The following TRIO variants were observed in gnomAD, a reference collection of about 807,000 sequenced individuals.
TRIO encodes the protein trio Rho guanine nucleotide exchange factor.
Under a neutral mutation model 351.9 loss-of-function variants are expected in TRIO, and 58 were observed. The observed-to-expected ratio is 0.16, with a 90% CI of 0.13 to 0.21. The LOEUF (loss-of-function observed/expected upper bound fraction) is 0.21, where lower values mean the gene tolerates loss of function less well. TRIO is among the 10% of genes least tolerant of loss of function. The pLI, the probability that TRIO is intolerant of heterozygous loss-of-function variation, is 1.00. For synonymous variants in TRIO, 1,758 were observed against 1,595.7 expected, an observed-to-expected ratio of 1.10 and a Z score of -2.42; for missense variants, 3,201 against 4,027.8, an observed-to-expected ratio of 0.79 and a Z score of 5.56.
At position 14,387,441 on chromosome 5, in the gene TRIO, ACC is replaced by A. The variant is rs1746640797; in HGVS notation, c.3575_3576del (p.Thr1192LysfsTer12). 6.2e-7 allele frequency: 1 copy of A among 1,602,010 alleles called. No homozygotes were observed. Reference protein sequence around the residue: ...HEEFQITAKQTKERVKLLIQL... With the variant: ...HEEFQITAKQXKERVKLLIQL... ...ACTTTCCTGTTGTTTTTTGCAGCAA[ACC>A]AAAGAGAGAGTGAAGCTATTGATAC... On this transcript the variant is annotated frameshift_variant, in exon 22 of 57. Transcript: ENST00000344204. LOFTEE classifies it high-confidence loss of function.
chr5:14,227,697 G>T (rs1793136149), intron 1 of TRIO, among the ~76,000 whole-genome samples: 2 of 152,292 alleles, frequency 1.3e-5, no homozygotes, highest in South Asian at 4.1e-4. Flanking sequence ...AGATTATGTT[G>T]TATTAGATAT....
chr5:14,154,640 C>T (rs1434576044), intron 1 of TRIO, among the ~76,000 whole-genome samples: 2 of 152,132 alleles, frequency 1.3e-5, no homozygotes, highest in African/African-American at 2.4e-5. Flanking sequence ...GATGCTTGCT[C>T]AGGTTTATGC....
chr5:14,481,283 A>C lies in TRIO; in HGVS notation c.6386A>C (p.Glu2129Ala). ...GCCAGCCTGGATACATCAGAATTAG[A>C]GGTACATGCATCAGCGGCTGTGGGC... ...KKASLDTSEL[E>A]RAVEVMCIVP... The change falls in exon 44 of 57, where the codon GAG (glutamate) becomes GCG (alanine). Residue 2129 changes from glutamate (E) to alanine (A), a missense_variant and splice_region_variant. By Grantham distance (107) the Glu-to-Ala change is moderately radical (BLOSUM62 -1). Coordinates refer to ENST00000344204, the MANE Select transcript of TRIO (RefSeq NM_007118.4). 6.2e-7 allele frequency: 1 copy of C among 1,613,612 alleles called. No individual in the cohort carries two copies. Among genetic ancestry groups the C allele is most frequent in the Non-Finnish European group, 8.5e-7 (1 of 1,179,872 alleles).
At chr5:14,394,751 T>TA (rs1363959919) in intron 28 of TRIO, among the ~76,000 whole-genome samples, 1 of 152,194 alleles carries the variant, frequency 6.6e-6, no homozygotes, top group Non-Finnish European at 1.5e-5. Context: ...TGACTATAGT[T>TA]AAAATCACAT....
chr5:14,496,893 G>T lies in TRIO; in HGVS notation c.7895G>T (p.Trp2632Leu). 6.2e-7 allele frequency: 1 copy of T among 1,614,080 alleles called. No homozygotes were observed. Among genetic ancestry groups the T allele is most frequent in the Non-Finnish European group, 8.5e-7 (1 of 1,180,014 alleles). ...PDGTLKKSTSWHTALRLRKKS... is the reference protein window; with the variant it reads ...PDGTLKKSTSLHTALRLRKKS... ...ATTTCCCCTAGGAAGTCAACATCTT[G>T]GCACACAGCACTCCGTTTAAGGAAA... Residue 2632 changes from tryptophan (W) to leucine (L), a missense_variant, in exon 50 of 57, where the codon TGG becomes TTG. By Grantham distance (61) the Trp-to-Leu change is moderately conservative. Transcript: ENST00000344204.
At chr5:14,437,688 C>T (rs1387201060) in intron 34 of TRIO, among the ~76,000 whole-genome samples, 1 of 134,172 alleles carries the variant, frequency 7.5e-6, no homozygotes, top group Non-Finnish European at 1.6e-5. Context: ...TGAGGACCAC[C>T]CCCCCCGCCC....
chr5:14,447,707 A>G (rs1752544031), intron 34 of TRIO, among the ~76,000 whole-genome samples: 1 of 152,246 alleles, frequency 6.6e-6, no homozygotes, highest in Non-Finnish European at 1.5e-5. Flanking sequence ...TCATAGGAAG[A>G]CATTAGCCAA....
chr5:14,473,478 G>A (rs1200295222), intron 39 of TRIO, among the ~76,000 whole-genome samples: 3 of 152,140 alleles, frequency 2.0e-5, no homozygotes, highest in African/African-American at 7.2e-5. Flanking sequence ...GTACTTAAGA[G>A]GTTCTTGTAC....
At chr5:14,488,803 C>T (rs1756246812) in intron 48 of TRIO, 1 of 620,462 alleles carries the variant, frequency 1.6e-6, no homozygotes. Context: ...AGAATCTGTC[C>T]ACTGGGAACG....
chr5:14,182,425 G>A lies in TRIO; in HGVS notation c.157+38543G>A, dbSNP rs540746647. ...ATCTGATAGAAATTGTTGTCAGAGT[G>A]TAGGTGGAATAGCAAAGTTTTAGAA... On this transcript the variant is annotated intron_variant, in intron 1 of 56. Transcript: ENST00000344204. 2.0e-5 allele frequency among the ~76,000 whole-genome samples: 3 copies of A among 152,354 alleles called. No individual in the cohort carries two copies. The East Asian group carries it at 5.8e-4, about 29-fold the overall frequency.
intron 28 of TRIO, 126 bp from the exon 29 acceptor site, chr5:14,396,917 A>G: frequency 4.2e-6 from 3 of 720,708 alleles, no homozygotes; most frequent in Non-Finnish European, 7.0e-6. Flanking sequence ...ATGAGAACAT[A>G]TGCCCAGTTG....
chr5:14,396,090 G>A (rs537233566), intron 28 of TRIO, among the ~76,000 whole-genome samples: 1 of 149,700 alleles, frequency 6.7e-6, no homozygotes, highest in East Asian at 2.0e-4. Context: ...CCACCAGAAG[G>A]TGAACTTACT....
intron 18 of TRIO, among the ~76,000 whole-genome samples, chr5:14,372,451 CT>C (rs1423229147): frequency 6.6e-6 from 1 of 152,108 alleles, no homozygotes; most frequent in African/African-American, 2.4e-5. Context: ...AGCCTTTCAG[CT>C]AATGGTGTTA....
At chr5:14,461,807 A>G (rs572588150) in intron 35 of TRIO, among the ~76,000 whole-genome samples, 31 of 152,360 alleles carry the variant, frequency 2.0e-4, no homozygotes, top group Non-Finnish European at 3.4e-4. Context: ...CCCAATATTT[A>G]TTATACTTAC....
chr5:14,225,422 A>G (rs1400194622), intron 1 of TRIO, among the ~76,000 whole-genome samples: 1 of 152,144 alleles, frequency 6.6e-6, no homozygotes, highest in Non-Finnish European at 1.5e-5. Context: ...TTCTCTGTTC[A>G]GGGTCTCACA....
At chr5:14,215,864 T>C (rs1792184014) in intron 1 of TRIO, among the ~76,000 whole-genome samples, 1 of 152,162 alleles carries the variant, frequency 6.6e-6, no homozygotes. Flanking sequence ...TGAGAGTCGG[T>C]GACTTATTTA....
Position 14,217,039 on chromosome 5 carries a change from G to A in TRIO, c.158-53786G>A, listed in dbSNP as rs529411977. ...TAAGACGGCAGGGCCAAGTGGTCTG[G>A]TATGTGAGCAGAGGCCCAGATCATG... On this transcript the variant is annotated intron_variant, in intron 1 of 56. Transcript: ENST00000344204. 3.3e-5 allele frequency among the ~76,000 whole-genome samples: 5 copies of A among 152,308 alleles called. No individual in the cohort carries two copies. The South Asian group carries it at 1.0e-3, about 32-fold the overall frequency.
chr5:14,504,764 C>A, intron 55 of TRIO, 171 bp downstream of exon 55: 1 of 795,168 alleles, frequency 1.3e-6, no homozygotes, highest in Non-Finnish European at 1.9e-6. Context: ...CCAGTAATGG[C>A]AGAAAGCAGT....
chr5:14,488,800 G>A, intron 48 of TRIO: 1 of 619,034 alleles, frequency 1.6e-6, no homozygotes, highest in South Asian at 1.9e-5. Context: ...GAAAGAATCT[G>A]TCCACTGGGA....
Sources: allele counts gnomAD v4.1 joint callset (sites outside exome capture counted in the v4.1 genomes callset), GRCh38; gene constraint gnomAD v4.1.1; transcripts MANE v1.5; gene names NCBI Gene and HGNC (gene_info 2026-07-23, HGNC 2026-07-21).